Variants in KCNH1 observed in about 807,000 individuals in gnomAD.
KCNH1 encodes voltage-gated delayed rectifier potassium channel KCNH1.
A neutral mutation model predicts 69.2 loss-of-function variants in KCNH1; 27 were observed. That is an observed-to-expected ratio of 0.39 (90% CI 0.29 to 0.54). The LOEUF (loss-of-function observed/expected upper bound fraction) is 0.54. KCNH1 is among the 20% of genes least tolerant of loss of function. The pLI is 0.68. For synonymous variants in KCNH1, 456 were observed against 487.7 expected, an observed-to-expected ratio of 0.93 and a Z score of 0.86; for missense variants, 798 against 1,261.6, an observed-to-expected ratio of 0.63 and a Z score of 5.57.
intron 7 of KCNH1, among the ~76,000 whole-genome samples, chr1:210,809,507 A>G (rs1188963595): frequency 1.3e-5 from 2 of 152,122 alleles, no homozygotes; most frequent in Admixed American, 1.3e-4. Context: ...GGGACCATGA[A>G]TATTCATAAA....
At chr1:210,726,713 A>G (rs1209164152) in intron 10 of KCNH1, among the ~76,000 whole-genome samples, 4 of 152,236 alleles carry the variant, frequency 2.6e-5, no homozygotes, top group Admixed American at 2.0e-4. Context: ...TTAAATGAGC[A>G]GTGTGTGAGT....
chr1:211,019,654 T>G (rs1019157736), intron 5 of KCNH1, among the ~76,000 whole-genome samples: 6 of 152,358 alleles, frequency 3.9e-5, no homozygotes, highest in Non-Finnish European at 8.8e-5. Context: ...AACTTTTTAT[T>G]CAATAAATAT....
chr1:211,110,372 G>A (rs991494494), intron 1 of KCNH1, among the ~76,000 whole-genome samples: 1 of 152,030 alleles, frequency 6.6e-6, no homozygotes, highest in Non-Finnish European at 1.5e-5. Context: ...GAGACTAGAA[G>A]TTCCAAAAGA....
chr1:211,055,031 G>A (rs1373845096), intron 5 of KCNH1, among the ~76,000 whole-genome samples: 10 of 152,128 alleles, frequency 6.6e-5, no homozygotes, highest in East Asian at 5.8e-4. Context: ...AGCCTCCAGC[G>A]ATAACCCCCT....
rs746255173 is a variant in KCNH1, at chr1:210,919,802, C to A, written c.1300G>T (p.Gly434Trp). The A allele has an allele frequency of 6.2e-7, 1 of 1,614,150 alleles. No individual in the cohort carries two copies. The highest frequency in any genetic ancestry group is 1.1e-5 in the South Asian group (1 of 91,072). Residue 434 changes from glycine (G) to tryptophan (W), a missense_variant, in exon 7 of 11, where the codon GGG (glycine) becomes TGG (tryptophan). Physicochemically the swap from Gly to Trp is radical, Grantham distance 184. Around this residue, in one of 4 missense-constraint regions of KCNH1, gnomAD observed 197 missense variants for 407.7 expected, o/e 0.48. Coordinates refer to ENST00000271751, the MANE Select transcript of KCNH1 (RefSeq NM_172362.3). This position sits in a 1 kb window ranked among gnomAD's most constrained non-coding sequence, Gnocchi z 4.2. Reference protein sequence around the residue: ...MDIGTPYQFNGSGSGKWEGGP... With the variant: ...MDIGTPYQFNWSGSGKWEGGP... ...CCTTCCCACTTCCCTGAGCCAGACCCATTAAACTGGTAAGGGGTGCCAATG... is the reference window on the plus strand; with the variant it reads ...CCTTCCCACTTCCCTGAGCCAGACCAATTAAACTGGTAAGGGGTGCCAATG...
chr1:211,102,873 C>T (rs1691284875), intron 3 of KCNH1, among the ~76,000 whole-genome samples: 1 of 152,204 alleles, frequency 6.6e-6, no homozygotes, highest in Non-Finnish European at 1.5e-5. Context: ...TGCAGCCTTG[C>T]TAGGCCCATA....
chr1:210,819,399 G>A (rs148808410), intron 7 of KCNH1, among the ~76,000 whole-genome samples: 160 of 152,192 alleles, frequency 1.1e-3, no homozygotes, highest in African/African-American at 3.8e-3. Context: ...AGATGGCTTA[G>A]GAAGACTGGC....
chr1:210,873,410 C>T (rs1278774354), intron 7 of KCNH1, among the ~76,000 whole-genome samples: 4 of 152,134 alleles, frequency 2.6e-5, no homozygotes, highest in East Asian at 1.9e-4. Context: ...TTCAGTAGGG[C>T]GATTATAGCT....
rs956302603 is a variant in KCNH1, at chr1:211,082,993, C to T, written c.440-95G>A. 5 of 924,914 alleles carry T rather than the reference C, an allele frequency of 5.4e-6. No individual in the cohort carries two copies. In the African/African-American group the frequency reaches 6.5e-5, roughly 12 times the overall value. 57.3% of individuals were successfully genotyped at this position (924,914 alleles called of 1,614,324 possible). A position where few individuals can be genotyped will look rare whatever the true frequency, so the allele number is the denominator to read the frequency against. On this transcript the variant is annotated intron_variant, in intron 4 of 10. Transcript: ENST00000271751. ...AAGTTATACTGTCAGAAACAGACAC[C>T]TCCAATGCCCTCCTAAGCTCCCATG...
At chr1:210,990,509 A>C (rs1343439956) in intron 6 of KCNH1, among the ~76,000 whole-genome samples, 1 of 152,094 alleles carries the variant, frequency 6.6e-6, no homozygotes, top group Non-Finnish European at 1.5e-5. Flanking sequence ...TTGACATTCC[A>C]AGTGTGACCC....
intron 5 of KCNH1, among the ~76,000 whole-genome samples, chr1:211,068,900 C>T (rs1690581975): frequency 6.6e-6 from 1 of 152,150 alleles, no homozygotes; most frequent in African/African-American, 2.4e-5. Flanking sequence ...CAAGTCTGAG[C>T]ATTAAAAACT....
chr1:210,965,027 G>A (rs936894864), intron 6 of KCNH1, among the ~76,000 whole-genome samples: 5 of 152,132 alleles, frequency 3.3e-5, no homozygotes, highest in Non-Finnish European at 7.3e-5. Flanking sequence ...ATGCAGAAAA[G>A]GCTTTCGATA....
intron 6 of KCNH1, among the ~76,000 whole-genome samples, chr1:210,968,098 A>G (rs1325862557): frequency 6.7e-6 from 1 of 149,934 alleles, no homozygotes; most frequent in Non-Finnish European, 1.5e-5. Flanking sequence ...GTTCCCACCT[A>G]TGAGTGAGAA....
intron 6 of KCNH1, among the ~76,000 whole-genome samples, chr1:210,924,350 A>G (rs948260444): frequency 4.6e-5 from 7 of 152,258 alleles, no homozygotes; most frequent in Non-Finnish European, 8.8e-5. Context: ...TGAAGTTTGA[A>G]TTATTATAAA....
At chr1:211,047,361 G>A (rs1029137699) in intron 5 of KCNH1, among the ~76,000 whole-genome samples, 5 of 152,146 alleles carry the variant, frequency 3.3e-5, no homozygotes, top group South Asian at 2.1e-4. Flanking sequence ...AAATGTGAAC[G>A]CAGGCATGTG....
At chr1:210,764,526 C>A (rs1008381744) in intron 10 of KCNH1, among the ~76,000 whole-genome samples, 1 of 151,876 alleles carries the variant, frequency 6.6e-6, no homozygotes, top group East Asian at 1.9e-4. Flanking sequence ...AAGCAAAAAC[C>A]AAATAACTTC....
intron 7 of KCNH1, among the ~76,000 whole-genome samples, chr1:210,902,951 GC>G (rs1687026327): frequency 6.6e-6 from 1 of 152,164 alleles, no homozygotes; most frequent in Non-Finnish European, 1.5e-5. Context: ...GAAAGTATAA[GC>G]TTTTTGGCAC....
chr1:210,860,340 A>T, intron 7 of KCNH1: 1 of 1,446,696 alleles, frequency 6.9e-7, no homozygotes, highest in African/African-American at 1.4e-5. Context: ...ATTCTGAGAC[A>T]TGCTGTTGTA....
At chr1:210,986,309 A>T (rs1013286993) in intron 6 of KCNH1, among the ~76,000 whole-genome samples, 1 of 152,142 alleles carries the variant, frequency 6.6e-6, no homozygotes, top group African/African-American at 2.4e-5. Flanking sequence ...GTTATGTGTG[A>T]ATTTGATCCT....
Sources: allele counts gnomAD v4.1 joint callset (sites outside exome capture counted in the v4.1 genomes callset), GRCh38; gene constraint gnomAD v4.1.1; regional missense constraint gnomAD v4.1.1; non-coding constraint Gnocchi (gnomAD v3.1); transcripts MANE v1.5; gene names NCBI Gene and HGNC (gene_info 2026-07-23, HGNC 2026-07-21).